The following DELE1 variants were observed in gnomAD, a reference collection of about 807,000 sequenced individuals.
DELE1 encodes the protein DAP3 binding cell death enhancer 1.
Under a neutral mutation model 59.3 loss-of-function variants are expected in DELE1, and 54 were observed. The observed-to-expected ratio is 0.91, with a 90% CI of 0.73 to 1.14. The LOEUF is 1.14. DELE1 is among the 50% of genes most tolerant of loss of function. DELE1 has a pLI of 0.00. For synonymous variants in DELE1, 264 were observed against 259.1 expected (o/e 1.02, Z -0.18); for missense variants, 636 against 643.9 (o/e 0.99, Z 0.13).
intron 10 of DELE1, among the ~76,000 whole-genome samples, chr5:141,936,669 G>A (rs1043388825): frequency 2.6e-5 from 4 of 152,216 alleles, no homozygotes; most frequent in East Asian, 1.9e-4. Flanking sequence ...TCATGACCTC[G>A]TGATCTGCCC....
chr5:141,928,120 G>T, intron 3 of DELE1, 31 bp from the exon 4 acceptor site: 1 of 1,603,304 alleles, frequency 6.2e-7, no homozygotes, highest in Non-Finnish European at 8.5e-7. Context: ...ATTGGTGAAG[G>T]ACCGTGTCCT....
rs1345316433 is a variant in DELE1 at position 141,933,107 on chromosome 5, A to AT, written c.755-152_755-151insT. ...AAGACTCCATCTCAAAAAAAAAAAA[A>AT]AAAAATATATATATATATATATATA... On this transcript the variant is annotated intron_variant, in intron 7 of 11. Transcript: ENST00000432126. 3.1e-3 allele frequency: 481 copies of AT among 153,210 alleles called. 1 individual carries two copies. The highest frequency in any genetic ancestry group is 0.012 in the African/African-American group (438 of 35,566). The allele number at this position is 153,210 out of a possible 1,614,324, so 9.5% of individuals were successfully genotyped here.
At chr5:141,934,656 C>A in intron 10 of DELE1, 70 bp downstream of exon 10, 1 of 1,386,684 alleles carries the variant, frequency 7.2e-7, no homozygotes, top group Non-Finnish European at 1.0e-6. Flanking sequence ...GGAACTGGTA[C>A]TGAGTTCTTC....
chr5:141,935,176 G>A (rs897722676), intron 10 of DELE1, among the ~76,000 whole-genome samples: 8 of 152,164 alleles, frequency 5.3e-5, no homozygotes, highest in Non-Finnish European at 8.8e-5. Context: ...GGGTGGGTGG[G>A]GATGTCTGGT....
chr5:141,924,937 A>AT (rs1751265619), intron 2 of DELE1, among the ~76,000 whole-genome samples: 1 of 121,574 alleles, frequency 8.2e-6, no homozygotes, highest in Non-Finnish European at 1.8e-5. Flanking sequence ...ATTTTATTTT[A>AT]TTTTTTTTGA....
chr5:141,930,908 G>A (rs1298139620), intron 7 of DELE1, among the ~76,000 whole-genome samples: 1 of 152,168 alleles, frequency 6.6e-6, no homozygotes, highest in Non-Finnish European at 1.5e-5. Context: ...AAGAGGCTGG[G>A]ATTCATTCAC....
At position 141,941,619 on chromosome 5, in the gene DELE1, T is replaced by C; in HGVS notation, c.*2860T>C. ...GCAGGGCCAGCCTGGGTCAGGATGC[T>C]GGGTTAAAGCCCGGCGCCCTCACCA... On this transcript the variant is annotated 3_prime_UTR_variant, in exon 12 of 12. Transcript: ENST00000432126. The C allele has an allele frequency of 3.0e-6, 3 of 985,478 alleles. No homozygotes were observed. Among genetic ancestry groups the C allele is most frequent in the Non-Finnish European group, 3.6e-6 (3 of 829,970 alleles). 61.0% of individuals were successfully genotyped at this position (985,478 alleles called of 1,614,324 possible). A position where few individuals can be genotyped will look rare whatever the true frequency, so the allele number is the denominator to read the frequency against.
chr5:141,924,823 T>G (rs1163598424), intron 2 of DELE1, 128 bp downstream of exon 2: 9 of 628,176 alleles, frequency 1.4e-5, no homozygotes, highest in Non-Finnish European at 2.2e-5. Context: ...TGGGGCAATC[T>G]CAGCTCACTG....
In DELE1 at chr5:141,940,797, A is replaced by G. The variant is rs551980640; in HGVS notation, c.*2038A>G. 3.0e-6 allele frequency: 3 copies of G among 985,104 alleles called. No individual in the cohort carries two copies. Among genetic ancestry groups the G allele is most frequent in the Non-Finnish European group, 3.6e-6 (3 of 829,662 alleles). 61.0% of individuals were successfully genotyped at this position (985,104 alleles called of 1,614,324 possible). On this transcript the variant is annotated 3_prime_UTR_variant, in exon 12 of 12. Coordinates refer to ENST00000432126, the MANE Select transcript of DELE1 (RefSeq NM_014773.5). ...CAGCACTGAGTGCAAGGCCCCATGC[A>G]GGGTAGGAAACCTGAGGTTTCAAGC...
rs1752629978 is a variant in DELE1, at chr5:141,939,806, C to T, written c.*1047C>T. The T allele has an allele frequency of 3.0e-6, 2 of 667,254 alleles. No individual in the cohort carries two copies. Among genetic ancestry groups the T allele is most frequent in the South Asian group, 6.7e-5 (1 of 14,866 alleles). The allele number at this position is 667,254 out of a possible 1,614,324, so 41.3% of individuals were successfully genotyped here. ...AGTTGTAGACCAAAGGCAATGGTGT[C>T]TGCCCTCCTACCTTAGAAGACAAAT... On this transcript the variant is annotated 3_prime_UTR_variant, in exon 12 of 12. Transcript: ENST00000432126.
intron 2 of DELE1, among the ~76,000 whole-genome samples, 157 bp downstream of exon 2, chr5:141,924,852 T>C (rs1325076053): frequency 2.6e-5 from 4 of 151,876 alleles, no homozygotes; most frequent in Non-Finnish European, 5.9e-5. Flanking sequence ...GCCTCCCAGG[T>C]TCAAGCAGTT....
At chr5:141,926,306 A>G (rs778969370) in intron 3 of DELE1, among the ~76,000 whole-genome samples, 4 of 152,232 alleles carry the variant, frequency 2.6e-5, no homozygotes, top group African/African-American at 4.8e-5. Context: ...AATATTAGGT[A>G]ACATGCGTAG....
intron 7 of DELE1, among the ~76,000 whole-genome samples, chr5:141,932,556 C>G (rs1286815905): frequency 6.6e-6 from 1 of 152,220 alleles, no homozygotes; most frequent in Non-Finnish European, 1.5e-5. Flanking sequence ...CTTCAGAGTG[C>G]TGCTGTCAGA....
intron 10 of DELE1, 103 bp downstream of exon 10, chr5:141,934,689 A>G: frequency 2.6e-6 from 3 of 1,148,884 alleles, no homozygotes; most frequent in Non-Finnish European, 1.3e-6. Flanking sequence ...ATTGTTGGAT[A>G]GGAGCCTTGG....
At position 141,936,860 on chromosome 5, in the gene DELE1, A is replaced by G. The variant is rs7723938; in HGVS notation, c.1150-338A>G. ...CGCCTCCTTGCTGTTTCAGGGCAACATAGGAGCCCGACTCCCAGGTTTGCT... is the reference window on the plus strand; with the variant it reads ...CGCCTCCTTGCTGTTTCAGGGCAACGTAGGAGCCCGACTCCCAGGTTTGCT... On this transcript the variant is annotated intron_variant, in intron 10 of 11. Transcript: ENST00000432126. 0.014 allele frequency: 13,705 copies of G among 985,278 alleles called. 1,439 individuals carry two copies. The African/African-American group carries it at 0.22, about 16-fold the overall frequency. 61.0% of individuals were successfully genotyped at this position (985,278 alleles called of 1,614,324 possible).
intron 11 of DELE1, 144 bp from the exon 12 acceptor site, chr5:141,938,377 C>CT: frequency 7.7e-7 from 1 of 1,292,876 alleles, no homozygotes; most frequent in Non-Finnish European, 1.1e-6. Context: ...TTCTAGGGCT[C>CT]TAAGAGCCCT....
chr5:141,925,944 A>C (rs927409382), intron 3 of DELE1, among the ~76,000 whole-genome samples: 1 of 152,022 alleles, frequency 6.6e-6, no homozygotes, highest in Non-Finnish European at 1.5e-5. Context: ...CAGCGGCATG[A>C]TCTTGGCTCA....
chr5:141,926,604 G>A (rs777075199), intron 3 of DELE1, among the ~76,000 whole-genome samples: 1 of 152,140 alleles, frequency 6.6e-6, no homozygotes, highest in Non-Finnish European at 1.5e-5. Flanking sequence ...TGCTGCTTTC[G>A]TGCTGTGTAC....
chr5:141,937,107 G>C, intron 10 of DELE1, 91 bp from the exon 11 acceptor site: 1 of 1,574,298 alleles, frequency 6.4e-7, no homozygotes, highest in Non-Finnish European at 8.6e-7. Context: ...TGAAGTCCCA[G>C]CATGCCTGAC....
Sources: gnomAD v4.1 joint callset for allele counts (sites outside exome capture counted in the v4.1 genomes callset) on GRCh38, gnomAD v4.1.1 for gene constraint, MANE v1.5 for transcripts, NCBI Gene and HGNC (gene_info 2026-07-23, HGNC 2026-07-21) for gene names.